Variants in DSCAML1 observed in about 807,000 individuals in gnomAD.
The protein encoded by DSCAML1 is DS cell adhesion molecule like 1, also known as cell adhesion molecule DSCAML1.
DSCAML1 carries 38 observed loss-of-function variants against 200.5 expected under a neutral mutation model. The observed-to-expected ratio is 0.19, with a 90% CI of 0.15 to 0.25. DSCAML1 has a LOEUF of 0.25. DSCAML1 is among the 10% of genes least tolerant of loss of function. The pLI, the probability that DSCAML1 is intolerant of heterozygous loss-of-function variation, is 1.00. For missense variants in DSCAML1, 2,223 were observed against 2,858.8 expected (o/e 0.78, Z 5.07); for synonymous variants, 1,215 against 1,165.0 (o/e 1.04, Z -0.87).
In DSCAML1 at chr11:117,780,842, A is replaced by G. The variant is rs377502416; in HGVS notation, c.47-32T>C. On this transcript the variant is annotated intron_variant, in intron 1 of 32. Coordinates refer to ENST00000651296, the MANE Select transcript of DSCAML1 (RefSeq NM_020693.4). The surrounding 1 kb of genome is among the most constrained non-coding windows in gnomAD (Gnocchi z 4.8). ...GAGAGGCAAGGGGAGAGACTTGGTT[A>G]GCATGGGCTCTAACAATACCCATAT... 2.0e-4 allele frequency: 285 copies of G among 1,398,048 alleles called. No homozygotes were observed. Among genetic ancestry groups the G allele is most frequent in the Non-Finnish European group, 2.4e-4 (263 of 1,078,206 alleles). 86.6% of individuals were successfully genotyped at this position (1,398,048 alleles called of 1,614,324 possible).
chr11:117,506,358 C>G (rs2049497478), intron 8 of DSCAML1, among the ~76,000 whole-genome samples: 1 of 152,014 alleles, frequency 6.6e-6, no homozygotes. Context: ...AATAATGTCC[C>G]CATTTTACAG....
Position 117,532,419 on chromosome 11 carries a change from G to A in DSCAML1, c.615C>T (p.Ser205=), listed in dbSNP as rs938052791. 5.6e-6 allele frequency: 9 copies of A among 1,613,974 alleles called. No individual in the cohort carries two copies. The highest frequency in any genetic ancestry group is 2.7e-5 in the African/African-American group (2 of 74,926). Reference sequence around the variant, plus strand: ...CCCCATTGCTCTGCCGGGTCTCCCCGCTATACTTGTGCTTGGTGATGCAGC... The same window carrying A: ...CCCCATTGCTCTGCCGGGTCTCCCCACTATACTTGTGCTTGGTGATGCAGC... ...TYRCITKHKY[S]GETRQSNGAR... is the part of the protein sequence containing the mutation. Residue 205 remains serine, a synonymous_variant, in exon 4 of 33, where the codon AGC becomes AGT. Coordinates refer to ENST00000651296, the MANE Select transcript of DSCAML1 (RefSeq NM_020693.4).
At chr11:117,765,932 C>A (rs1021282461) in intron 3 of DSCAML1, among the ~76,000 whole-genome samples, 3 of 152,162 alleles carry the variant, frequency 2.0e-5, no homozygotes, top group Non-Finnish European at 4.4e-5. Flanking sequence ...TTCTTCAGAG[C>A]AAAACAGGAG....
At chr11:117,589,967 C>T (rs1209172120) in intron 3 of DSCAML1, among the ~76,000 whole-genome samples, 2 of 152,118 alleles carry the variant, frequency 1.3e-5, no homozygotes, top group African/African-American at 4.8e-5. Context: ...TCTTCTATTC[C>T]CTCTATCACA....
At position 117,428,076 on chromosome 11, in the gene DSCAML1, CAT is replaced by C; in HGVS notation, c.*250_*251del. 2.4e-6 allele frequency: 1 copy of C among 425,248 alleles called. No individual in the cohort carries two copies. 26.3% of individuals were successfully genotyped at this position (425,248 alleles called of 1,614,324 possible). On this transcript the variant is annotated 3_prime_UTR_variant, in exon 33 of 33. Transcript: ENST00000651296. ...CTATATATGTATATATATCTCCACA[CAT>C]ATTTTGTGGGGTGGGGGATTTGACT...
intron 1 of DSCAML1, among the ~76,000 whole-genome samples, chr11:117,815,764 G>A (rs1262127766): frequency 6.6e-6 from 1 of 151,422 alleles, no homozygotes; most frequent in African/African-American, 2.4e-5. Context: ...GGTGTCACCT[G>A]CACCCTGTGA....
chr11:117,652,852 G>A (rs934379668), intron 3 of DSCAML1, among the ~76,000 whole-genome samples: 2 of 152,170 alleles, frequency 1.3e-5, no homozygotes, highest in Non-Finnish European at 2.9e-5. Context: ...GGCACAGAAA[G>A]CTTGGGGTCA....
At chr11:117,492,105 G>A (rs73024372) in intron 11 of DSCAML1, among the ~76,000 whole-genome samples, 9,461 of 152,184 alleles carry the variant, frequency 0.062, 426 homozygotes, top group Non-Finnish European at 0.096. Context: ...GGGCCTGGCC[G>A]CCTGCATTCC....
intron 8 of DSCAML1, among the ~76,000 whole-genome samples, chr11:117,514,139 C>G (rs545736795): frequency 1.3e-5 from 2 of 152,244 alleles, no homozygotes; most frequent in South Asian, 2.1e-4. Flanking sequence ...GCCTTCCCCC[C>G]ATGCCAGAGC....
In DSCAML1 at chr11:117,433,315, G is replaced by A; in HGVS notation, c.4908-59C>T. 1.9e-6 allele frequency: 3 copies of A among 1,567,348 alleles called. No individual in the cohort carries two copies. In the South Asian group the frequency reaches 3.5e-5, roughly 18 times the overall value. On this transcript the variant is annotated intron_variant, in intron 28 of 32. Transcript: ENST00000651296. ...CAGCCATAAGGGGTTGGGGAAGGGG[G>A]CTCTGCAGGACAGTGGGATTTTAGA...
chr11:117,635,440 TGTGTGTG>T lies in DSCAML1; in HGVS notation c.512-102925_512-102919del, dbSNP rs2052260945. 2.7e-5 allele frequency among the ~76,000 whole-genome samples: 4 copies of T among 146,156 alleles called. No homozygotes were observed. In the South Asian group the frequency reaches 8.5e-4, roughly 31 times the overall value. ...TGGCTTTAAGTGCAGAACGTCCTAG[TGTGTGTG>T]GTGTGTGTGTGTGTGTGTGTGTGTG... On this transcript the variant is annotated intron_variant, in intron 3 of 32. Transcript: ENST00000651296.
chr11:117,536,115 C>T (rs1438754912), intron 3 of DSCAML1, among the ~76,000 whole-genome samples: 3 of 152,028 alleles, frequency 2.0e-5, no homozygotes, highest in Non-Finnish European at 4.4e-5. Context: ...GGGGGATGCA[C>T]AGCGCGAGAG....
At chr11:117,572,320 G>T (rs534989134) in intron 3 of DSCAML1, among the ~76,000 whole-genome samples, 129 of 152,292 alleles carry the variant, frequency 8.5e-4, no homozygotes, top group Middle Eastern at 3.4e-3. Context: ...CTCAGCTGTG[G>T]CCTCTCCGAG....
In DSCAML1 at chr11:117,645,734, A is replaced by C. The variant is rs1188345582; in HGVS notation, c.512-113212T>G. 1.2e-4 allele frequency among the ~76,000 whole-genome samples: 14 copies of C among 116,700 alleles called. No individual in the cohort carries two copies. In the East Asian group the frequency reaches 3.7e-3, roughly 31 times the overall value. The allele number at this position is 116,700 out of a possible 152,430, so 76.6% of individuals were successfully genotyped here. A position where few individuals can be genotyped will look rare whatever the true frequency, so the allele number is the denominator to read the frequency against. ...ATGGACACAGGAAGGGGAACATCAC[A>C]CTCTGGGGACTGTGGTGGGGTGGGG... is the stretch of plus-strand genomic sequence containing the variant. On this transcript the variant is annotated intron_variant, in intron 3 of 32. Coordinates refer to ENST00000651296, the MANE Select transcript of DSCAML1 (RefSeq NM_020693.4).
chr11:117,577,873 A>G (rs2050975084), intron 3 of DSCAML1, among the ~76,000 whole-genome samples: 1 of 151,464 alleles, frequency 6.6e-6, no homozygotes, highest in Non-Finnish European at 1.5e-5. Flanking sequence ...GGCCCTAAGC[A>G]AGATTTTGTT....
At chr11:117,735,944 C>A (rs1020975750) in intron 3 of DSCAML1, among the ~76,000 whole-genome samples, 5 of 152,194 alleles carry the variant, frequency 3.3e-5, no homozygotes, top group Non-Finnish European at 7.3e-5. Flanking sequence ...AGTGCACACT[C>A]CTATAGTGAT....
intron 3 of DSCAML1, among the ~76,000 whole-genome samples, chr11:117,538,560 C>A (rs563244221): frequency 6.6e-6 from 1 of 152,286 alleles, no homozygotes; most frequent in South Asian, 2.1e-4. Flanking sequence ...ATTCTGAGGC[C>A]CTGCACACAG....
intron 3 of DSCAML1, among the ~76,000 whole-genome samples, chr11:117,661,245 G>T (rs1460730854): frequency 6.6e-6 from 1 of 152,170 alleles, no homozygotes; most frequent in Non-Finnish European, 1.5e-5. Context: ...TCAAGGCCTG[G>T]TAACCAGACA....
At chr11:117,510,543 C>T (rs2049598682) in intron 8 of DSCAML1, among the ~76,000 whole-genome samples, 1 of 152,124 alleles carries the variant, frequency 6.6e-6, no homozygotes, top group Admixed American at 6.5e-5. Flanking sequence ...CCCAGATCGC[C>T]TTATTTGAAA....
Sources: gnomAD v4.1 joint callset for allele counts (sites outside exome capture counted in the v4.1 genomes callset) on GRCh38, gnomAD v4.1.1 for gene constraint, Gnocchi (gnomAD v3.1) non-coding constraint, MANE v1.5 for transcripts, NCBI Gene and HGNC (gene_info 2026-07-23, HGNC 2026-07-21) for gene names.